The following TPP2 variants were observed in gnomAD, a reference collection of about 807,000 sequenced individuals.
TPP2 encodes the protein tripeptidyl-peptidase 2.
In TPP2, 34 loss-of-function variants were observed where a neutral mutation model predicts 155.9. The ratio of observed to expected loss-of-function variants is 0.22; its 90% confidence interval spans 0.17 to 0.29. The LOEUF (loss-of-function observed/expected upper bound fraction) is 0.29, where lower values mean the gene tolerates loss of function less well. Ranked by LOEUF, TPP2 falls within the 10% of genes least tolerant of loss-of-function variation. The pLI is 1.00. For synonymous variants in TPP2, 510 were observed against 529.4 expected (o/e 0.96, Z 0.50); for missense variants, 1,028 against 1,522.3 (o/e 0.68, Z 5.40).
At chr13:102,647,008 G>C (rs553648942) in intron 20 of TPP2, among the ~76,000 whole-genome samples, 199 bp from the exon 21 acceptor site, 2 of 152,198 alleles carry the variant, frequency 1.3e-5, no homozygotes, top group South Asian at 4.1e-4. Flanking sequence ...AGCCAGGTGT[G>C]TATTTTTAAA....
chr13:102,674,873 C>A (rs947319818), intron 28 of TPP2, among the ~76,000 whole-genome samples: 4 of 152,108 alleles, frequency 2.6e-5, no homozygotes, highest in Admixed American at 6.6e-5. Context: ...AGGAGACATA[C>A]TGGTTAGTTG....
chr13:102,640,432 A>G (rs894476147), intron 16 of TPP2, 56 bp downstream of exon 16: 13 of 1,385,408 alleles, frequency 9.4e-6, no homozygotes, highest in Admixed American at 6.8e-5. Context: ...TCTAATGACT[A>G]TAGCTGTATG....
At chr13:102,666,911 A>C (rs897100822) in intron 27 of TPP2, among the ~76,000 whole-genome samples, 3 of 151,770 alleles carry the variant, frequency 2.0e-5, no homozygotes, top group African/African-American at 7.3e-5. Context: ...AGCTGCTTTA[A>C]GTTTTTAGCG....
chr13:102,612,696 C>T (rs1391394522), intron 2 of TPP2, among the ~76,000 whole-genome samples: 3 of 152,178 alleles, frequency 2.0e-5, no homozygotes, highest in South Asian at 4.1e-4. Flanking sequence ...AAGGAAGATA[C>T]ATAGTTGTGA....
chr13:102,674,176 G>A lies in TPP2; in HGVS notation c.3372-107G>A, dbSNP rs1476557280. On this transcript the variant is annotated intron_variant, in intron 27 of 29. Transcript: ENST00000376052. ...ACGTACCTGGATATACAGTATTTCT[G>A]CATTATAAATCTTAGGCAAAAGAAT... is the stretch of plus-strand genomic sequence containing the variant. The A allele has an allele frequency of 5.1e-6, 6 of 1,184,840 alleles. No homozygotes were observed. In the East Asian group the frequency reaches 1.3e-4, roughly 25 times the overall value. 73.4% of individuals were successfully genotyped at this position (1,184,840 alleles called of 1,614,324 possible). A position where few individuals can be genotyped will look rare whatever the true frequency, so the allele number is the denominator to read the frequency against.
rs557799155 is a variant in TPP2 at position 102,616,513 on chromosome 13, C to T, written c.495+13C>T. On this transcript the variant is annotated intron_variant, in intron 4 of 29. Transcript: ENST00000376052. ...CGGCTCTTCTCAAGTTGGTGCTAGT[C>T]GATTTCATTTAAACATTACCCTAGA... The T allele has an allele frequency of 3.8e-6, 6 of 1,598,434 alleles. No homozygotes were observed. In the African/African-American group the frequency reaches 4.0e-5, roughly 11 times the overall value.
chr13:102,621,785 CAG>C (rs1881187256), intron 5 of TPP2, among the ~76,000 whole-genome samples: 2 of 152,108 alleles, frequency 1.3e-5, no homozygotes, highest in South Asian at 4.1e-4. Flanking sequence ...GGGGGAAGAA[CAG>C]AGGGAGGACT....
Position 102,664,906 on chromosome 13 carries a change from G to C in TPP2, c.3352G>C (p.Asp1118His). The change falls in exon 27 of 30, where the codon GAT (aspartate) becomes CAT (histidine). Residue 1118 changes from aspartate to histidine, a missense_variant. Asp to His is a moderately conservative substitution (Grantham distance 81). Coordinates refer to ENST00000376052, the MANE Select transcript of TPP2 (RefSeq NM_001330588.2). ...YIAMKTDPRP[D>H]AATIKNDMDK... Reference sequence around the variant, plus strand: ...TGCAATGAAGACTGATCCCAGGCCTGATGCAGCTACTATAAAAAAGTACCT... The same window carrying C: ...TGCAATGAAGACTGATCCCAGGCCTCATGCAGCTACTATAAAAAAGTACCT... 6.2e-7 allele frequency: 1 copy of C among 1,612,418 alleles called. No individual in the cohort carries two copies. Among genetic ancestry groups the C allele is most frequent in the Non-Finnish European group, 8.5e-7 (1 of 1,179,494 alleles).
At chr13:102,607,681 T>A (rs1251919812) in intron 2 of TPP2, 2 of 448,484 alleles carry the variant, frequency 4.5e-6, no homozygotes. Flanking sequence ...CTGCTTCCTG[T>A]ATTCAAGTGA....
At chr13:102,611,305 C>T (rs527371542) in intron 2 of TPP2, among the ~76,000 whole-genome samples, 22 of 152,288 alleles carry the variant, frequency 1.4e-4, no homozygotes, top group African/African-American at 5.1e-4. Context: ...TAGGTCATGC[C>T]AAACAGTTTT....
At position 102,678,283 on chromosome 13, in the gene TPP2, C is replaced by T. The variant is rs1279447703; in HGVS notation, c.3756C>T (p.Pro1252=). Residue 1252 remains proline, a synonymous_variant, in exon 30 of 30, where the codon CCC becomes CCT. Coordinates refer to ENST00000376052, the MANE Select transcript of TPP2 (RefSeq NM_001330588.2). ...CATCTTTTACTGAAAACTGGCTCCC[C>T]ATCATGTATCCTCCCGATTATTGCG... is the stretch of plus-strand genomic sequence containing the variant. ...HCASFTENWL[P]IMYPPDYCVF is the part of the protein sequence containing the mutation. 2 of 1,613,556 alleles carry T rather than the reference C, an allele frequency of 1.2e-6. No individual in the cohort carries two copies. The highest frequency in any genetic ancestry group is 4.5e-5 in the East Asian group (2 of 44,876).
At chr13:102,665,044 G>A (rs1192473728) in intron 27 of TPP2, 119 bp downstream of exon 27, 1 of 1,257,324 alleles carries the variant, frequency 8.0e-7, no homozygotes, top group South Asian at 1.4e-5. Flanking sequence ...CCTTATAATG[G>A]GAATTATCAC....
Position 102,627,067 on chromosome 13 carries a change from T to C in TPP2, c.840T>C (p.Pro280=). 1 of 1,598,676 alleles carries C rather than the reference T, an allele frequency of 6.3e-7. No homozygotes were observed. Residue 280 remains proline, a synonymous_variant, in exon 7 of 30, where the codon CCT becomes CCC. Coordinates refer to ENST00000376052, the MANE Select transcript of TPP2 (RefSeq NM_001330588.2). The part of the protein sequence containing the change: ...SIAAGHFPEE[P]ERNGVAPGAQ... ...CTGCTGGACACTTTCCAGAAGAACCTGAACGGAATGGGGTAGCTCCTGGTG... is the reference window on the plus strand; with the variant it reads ...CTGCTGGACACTTTCCAGAAGAACCCGAACGGAATGGGGTAGCTCCTGGTG...
At chr13:102,650,711 TAA>T (rs1476128902) in intron 23 of TPP2, among the ~76,000 whole-genome samples, 1 of 152,200 alleles carries the variant, frequency 6.6e-6, no homozygotes, top group African/African-American at 2.4e-5. Context: ...GCATTATTAG[TAA>T]AAGTGGGCTT....
At chr13:102,677,068 TG>T (rs1448840179) in intron 29 of TPP2, among the ~76,000 whole-genome samples, 1 of 152,202 alleles carries the variant, frequency 6.6e-6, no homozygotes, top group Non-Finnish European at 1.5e-5. Flanking sequence ...ACCCTTTGGA[TG>T]TAAAACTGAT....
chr13:102,625,687 C>T (rs532160416), intron 6 of TPP2, among the ~76,000 whole-genome samples: 5 of 152,280 alleles, frequency 3.3e-5, no homozygotes, highest in African/African-American at 4.8e-5. Flanking sequence ...AGCCAGAATC[C>T]GCAACATTGG....
chr13:102,610,038 C>G lies in TPP2; in HGVS notation c.295-4063C>G, dbSNP rs370447719. Among the ~76,000 whole-genome samples, 16 of 152,170 alleles carry G rather than the reference C, an allele frequency of 1.1e-4. No individual in the cohort carries two copies. The South Asian group carries it at 2.7e-3, about 26-fold the overall frequency. On this transcript the variant is annotated intron_variant, in intron 2 of 29. Transcript: ENST00000376052. ...CATAACATGTACTCACACACATGTT[C>G]AGTTTAATTTTTTTCAGGGATGTGC...
At chr13:102,619,283 A>C (rs1198733317) in intron 5 of TPP2, among the ~76,000 whole-genome samples, 1 of 152,192 alleles carries the variant, frequency 6.6e-6, no homozygotes, top group East Asian at 1.9e-4. Context: ...GTTACCCATC[A>C]TGTACGTTTT....
At chr13:102,616,549 C>T (rs1427320731) in intron 4 of TPP2, 49 bp downstream of exon 4, 1 of 1,447,200 alleles carries the variant, frequency 6.9e-7, no homozygotes, top group East Asian at 2.4e-5. Flanking sequence ...ACCATATTCC[C>T]ATAGAGTTTC....
Sources: allele counts gnomAD v4.1 joint callset (sites outside exome capture counted in the v4.1 genomes callset), GRCh38; gene constraint gnomAD v4.1.1; transcripts MANE v1.5; gene names NCBI Gene and HGNC (gene_info 2026-07-23, HGNC 2026-07-21).